The following MAPK6 variants were observed in gnomAD, a reference collection of about 807,000 sequenced individuals.
MAPK6 encodes the protein mitogen-activated protein kinase 6.
MAPK6 carries 19 observed loss-of-function variants against 59.3 expected under a neutral mutation model. The observed-to-expected ratio is 0.32, with a 90% CI of 0.22 to 0.47. MAPK6 has a LOEUF of 0.47. Among genes scored for constraint, MAPK6 ranks in the 20% least tolerant of loss-of-function variants. The pLI, the probability that MAPK6 is intolerant of heterozygous loss-of-function variation, is 1.00. For synonymous variants in MAPK6, 316 were observed against 290.3 expected (o/e 1.09, Z -0.90); for missense variants, 724 against 847.9 (o/e 0.85, Z 1.81).
chr15:52,044,237 A>G (rs1293593731), intron 1 of MAPK6, among the ~76,000 whole-genome samples: 3 of 152,036 alleles, frequency 2.0e-5, no homozygotes, highest in Non-Finnish European at 2.9e-5. Context: ...TAGACAGGAG[A>G]AGCCGTTTCT....
Position 52,064,907 on chromosome 15 carries a change from G to A in MAPK6, c.2073G>A (p.Lys691=), listed in dbSNP as rs1164084902. Residue 691 remains lysine (K), a synonymous_variant, in exon 6 of 6, where the codon AAG becomes AAA. Coordinates refer to ENST00000261845, the MANE Select transcript of MAPK6 (RefSeq NM_002748.4). The stretch of plus-strand genomic sequence containing the variant: ...ACAGTCCAGTTGGGTCACCACTTAA[G>A]TCAATACAGGCCACATTAACACCTT... ...QFHSPVGSPL[K]SIQATLTPSA... The A allele has an allele frequency of 6.2e-7, 1 of 1,611,906 alleles. No individual in the cohort carries two copies. Among genetic ancestry groups the A allele is most frequent in the East Asian group, 2.2e-5 (1 of 44,880 alleles).
chr15:51,985,844 G>C (rs182709347), intron 2 of MAPK6, among the ~76,000 whole-genome samples: 5 of 151,950 alleles, frequency 3.3e-5, no homozygotes, highest in African/African-American at 9.7e-5. Context: ...TGTACTCCCA[G>C]CTACTCGGGA....
chr15:52,026,794 G>A lies in MAPK6; in HGVS notation c.-632+7418G>A, dbSNP rs1488116845. Among the ~76,000 whole-genome samples the A allele has an allele frequency of 2.6e-5, 4 of 151,584 alleles. No homozygotes were observed. In the East Asian group the frequency reaches 5.9e-4, roughly 23 times the overall value. On this transcript the variant is annotated intron_variant, in intron 1 of 5. Transcript: ENST00000261845. ...TGGCTGGGCGCGATGGCTCATGCCT[G>A]TAATCTCAGCACTTTGGGAGGCCGA...
intron 1 of MAPK6, among the ~76,000 whole-genome samples, chr15:52,039,985 A>G (rs2031367315): frequency 1.3e-5 from 2 of 152,304 alleles, no homozygotes; most frequent in South Asian, 2.1e-4. Flanking sequence ...TGTTGTTAAT[A>G]GTTTATACTC....
At chr15:52,048,883 A>AC (rs2031682466) in intron 2 of MAPK6, among the ~76,000 whole-genome samples, 1 of 152,184 alleles carries the variant, frequency 6.6e-6, no homozygotes, top group East Asian at 1.9e-4. Context: ...TATTACACTG[A>AC]CGACGTCCAC....
chr15:52,066,650 T>C lies in MAPK6; in HGVS notation c.*1650T>C, dbSNP rs2032429134. The C allele has an allele frequency of 6.6e-6, 1 of 152,024 alleles. No homozygotes were observed. Among genetic ancestry groups the C allele is most frequent in the Non-Finnish European group, 1.5e-5 (1 of 67,960 alleles). The allele number at this position is 152,024 out of a possible 1,614,324, so 9.4% of individuals were successfully genotyped here. On this transcript the variant is annotated 3_prime_UTR_variant, in exon 6 of 6. Coordinates refer to ENST00000261845, the MANE Select transcript of MAPK6 (RefSeq NM_002748.4). ...TACCTTCTCAACAACTCCATCCTCT[T>C]CACCTCACTTTTCTTTCATCCTTGT...
rs369548876 is a variant in MAPK6, at chr15:52,023,872, A to G, written c.-632+4496A>G. ...TGTGATCCGCCTGCCTGGGCCTCCCAAAGTGCTGGGATTACGGGCATGAGC... is the reference window on the plus strand; with the variant it reads ...TGTGATCCGCCTGCCTGGGCCTCCCGAAGTGCTGGGATTACGGGCATGAGC... On this transcript the variant is annotated intron_variant, in intron 1 of 5. Coordinates refer to ENST00000261845, the MANE Select transcript of MAPK6 (RefSeq NM_002748.4). Among the ~76,000 whole-genome samples, 44 of 152,328 alleles carry G rather than the reference A, an allele frequency of 2.9e-4. 5 individuals are homozygous for G. The highest frequency in any genetic ancestry group is 1.9e-3 in the South Asian group (9 of 4,828).
intron 3 of MAPK6, 37 bp downstream of exon 3, chr15:52,050,174 G>T (rs746994771): frequency 4.4e-6 from 7 of 1,573,092 alleles, no homozygotes; most frequent in South Asian, 1.2e-5. Context: ...TTCCCAAAGA[G>T]AAGTAATTTT....
intron 1 of MAPK6, among the ~76,000 whole-genome samples, chr15:51,979,347 A>T (rs942098315): frequency 2.0e-5 from 3 of 151,794 alleles, no homozygotes; most frequent in African/African-American, 7.2e-5. Flanking sequence ...ACATAATAAC[A>T]TAAACATATT....
intron 1 of MAPK6, 25 bp from the exon 2 acceptor site, chr15:52,045,805 T>C (rs2031577493): frequency 6.6e-6 from 1 of 152,630 alleles, no homozygotes; most frequent in Non-Finnish European, 1.5e-5. Flanking sequence ...CAATGGTGAC[T>C]CTCTTCTTTT....
intron 2 of MAPK6, among the ~76,000 whole-genome samples, chr15:51,991,992 T>C (rs1262199594): frequency 1.3e-5 from 2 of 152,210 alleles, no homozygotes; most frequent in African/African-American, 4.8e-5. Context: ...GGTCTCGCTC[T>C]GTCACCCAGG....
At chr15:51,978,150 T>G (rs976622761) in intron 1 of MAPK6, among the ~76,000 whole-genome samples, 2 of 151,612 alleles carry the variant, frequency 1.3e-5, no homozygotes, top group South Asian at 2.1e-4. Flanking sequence ...TTTTTTTTTT[T>G]GTAACAGAGT....
chr15:52,055,201 A>C (rs533134522), intron 3 of MAPK6, among the ~76,000 whole-genome samples: 1 of 152,320 alleles, frequency 6.6e-6, no homozygotes, highest in South Asian at 2.1e-4. Flanking sequence ...TGAGCCCAGG[A>C]GTTAGAGACC....
intron 1 of MAPK6, among the ~76,000 whole-genome samples, chr15:52,029,619 T>A (rs866593531): frequency 5.9e-5 from 9 of 152,324 alleles, no homozygotes; most frequent in Middle Eastern, 3.4e-3. Flanking sequence ...AATAGAACTC[T>A]CTTCCATAAT....
intron 2 of MAPK6, among the ~76,000 whole-genome samples, chr15:51,991,227 A>G (rs939021866): frequency 2.0e-5 from 3 of 152,036 alleles, no homozygotes; most frequent in Non-Finnish European, 2.9e-5. Flanking sequence ...ATATATGTGT[A>G]TATATGTGTG....
At chr15:51,997,006 G>A (rs1175934903) in intron 2 of MAPK6, among the ~76,000 whole-genome samples, 1 of 150,362 alleles carries the variant, frequency 6.7e-6, no homozygotes, top group African/African-American at 2.5e-5. Context: ...TTGAGACGAA[G>A]TCTCACTCTG....
intron 1 of MAPK6, chr15:52,027,897 T>G (rs1186088762): frequency 6.6e-6 from 1 of 151,300 alleles, no homozygotes; most frequent in Admixed American, 6.6e-5. Flanking sequence ...CTCAGCCTCT[T>G]GAGTAGTTGG....
rs1351825830 is a variant in MAPK6 at position 52,065,169 on chromosome 15, G to C, written c.*169G>C. 1 of 586,380 alleles carries C rather than the reference G, an allele frequency of 1.7e-6. No individual in the cohort carries two copies. The highest frequency in any genetic ancestry group is 2.7e-6 in the Non-Finnish European group (1 of 366,308). The allele number at this position is 586,380 out of a possible 1,614,324, so 36.3% of individuals were successfully genotyped here. ...ACTTTCTTTTTCTACATGTGAGATA[G>C]TTTTCATTTTAACTGGCATGTCATT... On this transcript the variant is annotated 3_prime_UTR_variant, in exon 6 of 6. Transcript: ENST00000261845.
chr15:52,034,191 G>A (rs577312329), intron 1 of MAPK6, among the ~76,000 whole-genome samples: 5 of 151,930 alleles, frequency 3.3e-5, no homozygotes, highest in East Asian at 1.9e-4. Context: ...CACCATGTTC[G>A]CCAGGCTGGT....
Sources: gnomAD v4.1 joint callset for allele counts (sites outside exome capture counted in the v4.1 genomes callset) on GRCh38, gnomAD v4.1.1 for gene constraint, MANE v1.5 for transcripts, NCBI Gene and HGNC (gene_info 2026-07-23, HGNC 2026-07-21) for gene names.